Variants in PTPRD observed in about 807,000 individuals in gnomAD.
PTPRD encodes the protein receptor-type tyrosine-protein phosphatase delta.
Under a neutral mutation model 214.5 loss-of-function variants are expected in PTPRD, and 34 were observed. The ratio of observed to expected loss-of-function variants is 0.16; its 90% CI spans 0.12 to 0.21. The LOEUF (loss-of-function observed/expected upper bound fraction) is 0.21, where lower values mean the gene tolerates loss of function less well. PTPRD is among the 10% of genes least tolerant of loss of function. PTPRD has a pLI of 1.00. For missense variants in PTPRD, 2,545 were observed against 2,398.7 expected, an observed-to-expected ratio of 1.06 and a Z score of -1.27; for synonymous variants, 1,128 against 845.7, an observed-to-expected ratio of 1.33 and a Z score of -5.79.
At chr9:8,641,004 T>A (rs933945062) in intron 12 of PTPRD, among the ~76,000 whole-genome samples, 4 of 148,252 alleles carry the variant, frequency 2.7e-5, no homozygotes, top group Non-Finnish European at 4.4e-5. Context: ...CCCCAACAAA[T>A]GCTTGAGGCA....
chr9:10,546,905 T>A (rs544817915), intron 2 of PTPRD, among the ~76,000 whole-genome samples: 1 of 152,212 alleles, frequency 6.6e-6, no homozygotes, highest in East Asian at 1.9e-4. Flanking sequence ...TTAGCCATAG[T>A]TCTTGAAGCA....
chr9:8,607,507 G>C (rs906051836), intron 14 of PTPRD, among the ~76,000 whole-genome samples: 1 of 152,206 alleles, frequency 6.6e-6, no homozygotes, highest in African/African-American at 2.4e-5. Context: ...GCTGATCGTG[G>C]TGACACGCGC....
intron 9 of PTPRD, among the ~76,000 whole-genome samples, chr9:9,344,050 T>A (rs898956150): frequency 6.6e-6 from 1 of 152,178 alleles, no homozygotes; most frequent in African/African-American, 2.4e-5. Flanking sequence ...TAGCCAAGTA[T>A]ACTGAAAATG....
At chr9:9,147,808 CAA>C (rs1180341327) in intron 10 of PTPRD, among the ~76,000 whole-genome samples, 2 of 152,114 alleles carry the variant, frequency 1.3e-5, no homozygotes, top group Admixed American at 6.6e-5. Flanking sequence ...GTCTTTTTCC[CAA>C]ATCTGGAATA....
intron 3 of PTPRD, among the ~76,000 whole-genome samples, chr9:10,333,790 T>C (rs949659284): frequency 6.6e-6 from 1 of 151,728 alleles, no homozygotes; most frequent in African/African-American, 2.4e-5. Flanking sequence ...ACATTTTAGG[T>C]TTTGTCTACC....
intron 2 of PTPRD, among the ~76,000 whole-genome samples, chr9:10,500,255 T>A (rs1050902602): frequency 1.3e-5 from 2 of 151,820 alleles, no homozygotes; most frequent in Non-Finnish European, 2.9e-5. Flanking sequence ...AGATGGCCTA[T>A]CCCTGAAACT....
intron 7 of PTPRD, among the ~76,000 whole-genome samples, chr9:9,587,254 T>A (rs984398552): frequency 1.3e-5 from 2 of 151,940 alleles, no homozygotes; most frequent in African/African-American, 4.8e-5. Context: ...TAAGAGATAA[T>A]AGTAATGATA....
intron 11 of PTPRD, among the ~76,000 whole-genome samples, chr9:8,796,128 T>C (rs758217573): frequency 3.3e-5 from 5 of 152,182 alleles, no homozygotes; most frequent in Admixed American, 6.5e-5. Flanking sequence ...GAAAATGCTA[T>C]AGGCCAATAG....
rs1163893682 is a variant in PTPRD, at chr9:8,805,996, G to GAA, written c.-103-72052_-103-72051dup. 5.9e-3 allele frequency among the ~76,000 whole-genome samples: 546 copies of GAA among 93,098 alleles called. 6 individuals are homozygous for GAA. The highest frequency in any genetic ancestry group is 0.019 in the African/African-American group (486 of 25,868). The allele number at this position is 93,098 out of a possible 152,430, so 61.1% of individuals were successfully genotyped here. A position where few individuals can be genotyped will look rare whatever the true frequency, so the allele number is the denominator to read the frequency against. On this transcript the variant is annotated intron_variant, in intron 11 of 45. Coordinates refer to ENST00000381196, the MANE Select transcript of PTPRD (RefSeq NM_002839.4). ...GGCTACAGAACGAGACTCCGTCTCA[G>GAA]AAAAAAAAAAAAAAAAGAAAGAAAA...
intron 4 of PTPRD, among the ~76,000 whole-genome samples, chr9:10,006,088 A>C (rs2096467531): frequency 6.6e-6 from 1 of 151,032 alleles, no homozygotes; most frequent in Non-Finnish European, 1.5e-5. Context: ...TCAATAAAGA[A>C]ATATTGCAGT....
At chr9:9,781,106 T>C (rs541998494) in intron 5 of PTPRD, among the ~76,000 whole-genome samples, 1 of 152,224 alleles carries the variant, frequency 6.6e-6, no homozygotes, top group Admixed American at 6.5e-5. Context: ...GATGCTTTCA[T>C]GGTGGACATT....
At chr9:9,892,744 TAA>T (rs34445709) in intron 5 of PTPRD, among the ~76,000 whole-genome samples, 1 of 144,162 alleles carries the variant, frequency 6.9e-6, no homozygotes, top group African/African-American at 2.5e-5. Flanking sequence ...AATAACGAGG[TAA>T]AAAAAAAAAA....
Position 8,500,558 on chromosome 9 carries a change from G to GAAAAAAAAAAAAAA in PTPRD, c.2128+182_2128+195dup, listed in dbSNP as rs146807692. On this transcript the variant is annotated intron_variant, in intron 24 of 45. Coordinates refer to ENST00000381196, the MANE Select transcript of PTPRD (RefSeq NM_002839.4). ...TTACTGCATTGAGATTGAAAAAAAT[G>GAAAAAAAAAAAAAA]AAAAAAAAAAAAAAAAAAAAAAAAA... Among the ~76,000 whole-genome samples the GAAAAAAAAAAAAAA allele has an allele frequency of 2.1e-3, 30 of 14,314 alleles. 9 individuals are homozygous for GAAAAAAAAAAAAAA. The highest frequency in any genetic ancestry group is 6.6e-3 in the Admixed American group (4 of 608). The allele number at this position is 14,314 out of a possible 152,430, so 9.4% of individuals were successfully genotyped here.
At chr9:10,198,833 T>C (rs1017290308) in intron 3 of PTPRD, among the ~76,000 whole-genome samples, 1 of 152,222 alleles carries the variant, frequency 6.6e-6, no homozygotes, top group East Asian at 1.9e-4. Context: ...CCGTTGTAAA[T>C]GTATGAGATG....
intron 35 of PTPRD, among the ~76,000 whole-genome samples, chr9:8,422,140 C>T (rs2094407817): frequency 9.8e-6 from 1 of 102,084 alleles, no homozygotes; most frequent in African/African-American, 3.8e-5. Flanking sequence ...GAGAGAGACC[C>T]TGTCTCCAAA....
chr9:8,906,347 TAAG>T (rs1478478539), intron 11 of PTPRD, among the ~76,000 whole-genome samples: 1 of 152,174 alleles, frequency 6.6e-6, no homozygotes, highest in Non-Finnish European at 1.5e-5. Flanking sequence ...TTGAGTGACT[TAAG>T]AAGAGAGTGC....
intron 9 of PTPRD, among the ~76,000 whole-genome samples, chr9:9,363,439 G>T (rs2056900064): frequency 6.6e-6 from 1 of 151,232 alleles, no homozygotes; most frequent in Admixed American, 6.6e-5. Flanking sequence ...ATTTTACTTA[G>T]AAATTAACTA....
intron 9 of PTPRD, among the ~76,000 whole-genome samples, chr9:9,361,571 T>A (rs950196): frequency 0.2 from 30,296 of 150,794 alleles, 3,522 homozygotes; most frequent in East Asian, 0.34. Context: ...TTGGTACATG[T>A]GATAATTTAT....
At chr9:10,012,874 T>A (rs915382508) in intron 4 of PTPRD, among the ~76,000 whole-genome samples, 1 of 151,892 alleles carries the variant, frequency 6.6e-6, no homozygotes, top group East Asian at 1.9e-4. Flanking sequence ...ACAGAAGACA[T>A]ACAACCCAGC....
Sources: allele counts gnomAD v4.1 joint callset (sites outside exome capture counted in the v4.1 genomes callset), GRCh38; gene constraint gnomAD v4.1.1; transcripts MANE v1.5; gene names NCBI Gene and HGNC (gene_info 2026-07-23, HGNC 2026-07-21).